The following PRSS2 variants were observed in gnomAD, a reference collection of about 807,000 sequenced individuals.
PRSS2 encodes the protein trypsin-2.
Under a neutral mutation model 19.2 loss-of-function variants are expected in PRSS2, and 19 were observed. That is an observed-to-expected ratio of 0.99 (90% CI 0.69 to 1.45). The LOEUF (loss-of-function observed/expected upper bound fraction) is 1.45. PRSS2 is among the 40% of genes most tolerant of loss of function. The probability of loss-of-function intolerance (pLI) is 0.00; values close to 1 mark genes in which losing one functional copy is unlikely to be tolerated. For missense variants in PRSS2, 288 were observed against 294.4 expected, an observed-to-expected ratio of 0.98 and a Z score of 0.16; for synonymous variants, 107 against 117.5, an observed-to-expected ratio of 0.91 and a Z score of 0.58.
Position 142,773,274 on chromosome 7 carries a change from A to T in PRSS2, c.209A>T (p.Gln70Leu). 1 of 1,614,262 alleles carries T rather than the reference A, an allele frequency of 6.2e-7. No homozygotes were observed. Among genetic ancestry groups the T allele is most frequent in the Non-Finnish European group, 8.5e-7 (1 of 1,180,052 alleles). Residue 70 changes from glutamine (Q) to leucine (L), a missense_variant, in exon 3 of 5, where the codon CAG becomes CTG. Transcript: ENST00000539842. Reference protein sequence around the residue: ...SAGHCYKSRIQVRLGEHNIEV... With the variant: ...SAGHCYKSRILVRLGEHNIEV... ...CCTGCCCTGCCCATCAGCCGCATCC[A>T]GGTGAGACTGGGAGAGCACAACATC...
chr7:142,773,438 G>C lies in PRSS2; in HGVS notation c.373G>C (p.Ala125Pro). The C allele has an allele frequency of 2.0e-6, 3 of 1,527,404 alleles. No homozygotes were observed. The highest frequency in any genetic ancestry group is 2.7e-6 in the Non-Finnish European group (3 of 1,120,486). 94.6% of individuals were successfully genotyped at this position (1,527,404 alleles called of 1,614,324 possible). Residue 125 changes from alanine to proline, a missense_variant, in exon 3 of 5, where the codon GCC becomes CCC. By Grantham distance (27) the Ala-to-Pro change is conservative. Transcript: ENST00000539842. Reference protein sequence around the residue: ...SPAVINSRVSAISLPTAPPAA... With the variant: ...SPAVINSRVSPISLPTAPPAA... ...TGCCGTCATCAATTCCCGCGTGTCC[G>C]CCATCTCTCTGCCCACTGCCCCTCC...
intron 2 of PRSS2, chr7:142,772,716 G>A: frequency 1.8e-6 from 1 of 547,548 alleles, no homozygotes; most frequent in Non-Finnish European, 3.2e-6. Flanking sequence ...CTCCCTGCAG[G>A]CTTGTTAAGG....
At position 142,773,994 on chromosome 7, in the gene PRSS2, G is replaced by A. The variant is rs758574743; in HGVS notation, c.530G>A (p.Gly177Glu). 1 of 1,585,868 alleles carries A rather than the reference G, an allele frequency of 6.3e-7. No homozygotes were observed. Among genetic ancestry groups the A allele is most frequent in the Non-Finnish European group, 8.6e-7 (1 of 1,157,394 alleles). Residue 177 changes from glycine to glutamate, a missense_variant, in exon 4 of 5, where the codon GGA (glycine) becomes GAA (glutamate). Transcript: ENST00000539842. ...GCTGAGTGTGAAGCCTCCTACCCTG[G>A]AAAGATTACCAACAACATGTTCTGT... ...SQAECEASYP[G>E]KITNNMFCVG...
At position 142,772,206 on chromosome 7, in the gene PRSS2, G is replaced by C; in HGVS notation, c.198G>C (p.Lys66Asn). 1 of 1,613,854 alleles carries C rather than the reference G, an allele frequency of 6.2e-7. No homozygotes were observed. Among genetic ancestry groups the C allele is most frequent in the Non-Finnish European group, 8.5e-7 (1 of 1,179,732 alleles). ...TGGTGTCAGCAGGTCACTGCTACAA[G>C]TCGTAAGTGTGGGGCCCCTGACTGC... The part of the protein sequence containing the change: ...QWVVSAGHCY[K>N]SRIQVRLGEH... The change falls in exon 2 of 5, where the codon AAG (lysine) becomes AAC (asparagine). Residue 66 changes from lysine to asparagine, a missense_variant and splice_region_variant. Lys to Asn is a moderately conservative substitution (Grantham distance 94). Coordinates refer to ENST00000539842, the MANE Select transcript of PRSS2 (RefSeq NM_002770.4).
chr7:142,773,149 C>T (rs1368157825), intron 2 of PRSS2, 117 bp from the exon 3 acceptor site: 40 of 1,583,662 alleles, frequency 2.5e-5, no homozygotes, highest in Middle Eastern at 3.7e-4. Flanking sequence ...TGGCCACACA[C>T]CCCACCCCAT....
At chr7:142,771,930 C>A (rs1477598592) in intron 1 of PRSS2, 119 bp from the exon 2 acceptor site, 13 of 1,490,630 alleles carry the variant, frequency 8.7e-6, no homozygotes, top group Admixed American at 3.3e-5. Flanking sequence ...CGCTCCCCCC[C>A]TTGCCTAGCC....
Position 142,774,525 on chromosome 7 carries a change from G to T in PRSS2, c.*17G>T, listed in dbSNP as rs906828514. ...AACAGCTAAAGCCCCTGGTCCCTCT[G>T]CAGTCTCTATACCAATAAAGTGACC... is the stretch of plus-strand genomic sequence containing the variant. On this transcript the variant is annotated 3_prime_UTR_variant, in exon 5 of 5. Coordinates refer to ENST00000539842, the MANE Select transcript of PRSS2 (RefSeq NM_002770.4). 9.5e-5 allele frequency: 153 copies of T among 1,604,476 alleles called. No homozygotes were observed. Among genetic ancestry groups the T allele is most frequent in the Non-Finnish European group, 1.3e-4 (149 of 1,171,486 alleles).
chr7:142,774,367 TG>T lies in PRSS2; in HGVS notation c.605del (p.Gly202AlafsTer42). The stretch of plus-strand genomic sequence containing the variant: ...CTTCTTCCCCCCAGGGTGATTCTGG[TG>T]GCCCTGTGGTCTCCAATGGAGAGCT... ...GKDSCQGDSG[G>X]PVVSNGELQG... On this transcript the variant is annotated frameshift_variant, in exon 5 of 5. Coordinates refer to ENST00000539842, the MANE Select transcript of PRSS2 (RefSeq NM_002770.4). LOFTEE classifies it high-confidence loss of function. 1 of 1,339,800 alleles carries T rather than the reference TG, an allele frequency of 7.5e-7. No individual in the cohort carries two copies. The highest frequency in any genetic ancestry group is 1.1e-6 in the Non-Finnish European group (1 of 929,500). 83.0% of individuals were successfully genotyped at this position (1,339,800 alleles called of 1,614,324 possible).
chr7:142,774,285 G>C (rs962508539), intron 4 of PRSS2, 71 bp from the exon 5 acceptor site: 3 of 1,054,338 alleles, frequency 2.8e-6, no homozygotes, highest in Non-Finnish European at 4.5e-6. Context: ...CTCTTTTAAG[G>C]TTCAGAGCAA....
At chr7:142,771,472 G>C (rs1799883238) in intron 1 of PRSS2, among the ~76,000 whole-genome samples, 1 of 152,246 alleles carries the variant, frequency 6.6e-6, no homozygotes, top group African/African-American at 2.4e-5. Context: ...CTTCCCAGGT[G>C]ATTTTTAACA....
At chr7:142,771,083 C>T (rs1007868378) in intron 1 of PRSS2, 61 bp downstream of exon 1, 2 of 552,600 alleles carry the variant, frequency 3.6e-6, no homozygotes, top group African/African-American at 1.9e-5. Context: ...ACATGCCCTG[C>T]CATTCTTGCC....
At chr7:142,773,604 C>G (rs1303452779) in intron 3 of PRSS2, 85 bp downstream of exon 3, 1 of 1,247,294 alleles carries the variant, frequency 8.0e-7, no homozygotes, top group Non-Finnish European at 1.1e-6. Flanking sequence ...ATCCTCTCGC[C>G]TCCAGGCTTA....
chr7:142,771,910 G>A, intron 1 of PRSS2, 139 bp from the exon 2 acceptor site: 1 of 1,318,952 alleles, frequency 7.6e-7, no homozygotes, highest in Admixed American at 1.7e-5. Flanking sequence ...ATGATCACCA[G>A]GGCTGGCAGC....
intron 2 of PRSS2, 112 bp from the exon 3 acceptor site, chr7:142,773,154 C>T: frequency 6.3e-7 from 1 of 1,595,418 alleles, no homozygotes; most frequent in Non-Finnish European, 8.5e-7. Context: ...ACACACCCCA[C>T]CCCATGCCTC....
rs1800246241 is a variant in PRSS2 at position 142,774,198 on chromosome 7, C to T, written c.591+143C>T. The T allele has an allele frequency of 4.2e-6, 5 of 1,194,592 alleles. No homozygotes were observed. In the South Asian group the frequency reaches 6.3e-5, roughly 15 times the overall value. 74.0% of individuals were successfully genotyped at this position (1,194,592 alleles called of 1,614,324 possible). A position where few individuals can be genotyped will look rare whatever the true frequency, so the allele number is the denominator to read the frequency against. On this transcript the variant is annotated intron_variant, in intron 4 of 4. Coordinates refer to ENST00000539842, the MANE Select transcript of PRSS2 (RefSeq NM_002770.4). ...AAGTGAGGAAGACTCCTTTGGGCTG[C>T]ATCCTGTCTGCTTAGGAAGAACAGA... is the stretch of plus-strand genomic sequence containing the variant.
Position 142,772,571 on chromosome 7 carries a change from C to T in PRSS2, c.200+363C>T, listed in dbSNP as rs1252464183. Reference sequence around the variant, plus strand: ...CTGTGTTCTATCCCAGGGCAATTAACTCAAAATTATCAGGAAGAGGGTGTG... The same window carrying T: ...CTGTGTTCTATCCCAGGGCAATTAATTCAAAATTATCAGGAAGAGGGTGTG... On this transcript the variant is annotated intron_variant, in intron 2 of 4. Transcript: ENST00000539842. 7.2e-6 allele frequency: 4 copies of T among 553,992 alleles called. No individual in the cohort carries two copies. The Admixed American group carries it at 1.2e-4, about 16-fold the overall frequency. 34.3% of individuals were successfully genotyped at this position (553,992 alleles called of 1,614,324 possible). A position where few individuals can be genotyped will look rare whatever the true frequency, so the allele number is the denominator to read the frequency against.
At chr7:142,773,226 T>G (rs1280522528) in intron 2 of PRSS2, 40 bp from the exon 3 acceptor site, 9 of 1,614,074 alleles carry the variant, frequency 5.6e-6, no homozygotes, top group Non-Finnish European at 7.6e-6. Context: ...GTGCCCTGGC[T>G]GTGGGAGAAG....
In PRSS2 at chr7:142,771,539, A is replaced by G. The variant is rs1005130051; in HGVS notation, c.41-510A>G. Among the ~76,000 whole-genome samples the G allele has an allele frequency of 9.2e-5, 13 of 141,618 alleles. No homozygotes were observed. In the East Asian group the frequency reaches 2.6e-3, roughly 28 times the overall value. 92.9% of individuals were successfully genotyped at this position (141,618 alleles called of 152,430 possible). ...CTGTTGTTTTGACCAATAATAACGT[A>G]TACCTTTGTTCTGCAAAAGTGAGCC... is the stretch of plus-strand genomic sequence containing the variant. On this transcript the variant is annotated intron_variant, in intron 1 of 4. Coordinates refer to ENST00000539842, the MANE Select transcript of PRSS2 (RefSeq NM_002770.4).
chr7:142,774,274 G>A (rs564143199), intron 4 of PRSS2, 82 bp from the exon 5 acceptor site: 12 of 1,052,098 alleles, frequency 1.1e-5, no homozygotes, highest in East Asian at 7.1e-5. Context: ...GCTGGAAAGG[G>A]CTCTTTTAAG....
Sources: gnomAD v4.1 joint callset for allele counts (sites outside exome capture counted in the v4.1 genomes callset) on GRCh38, gnomAD v4.1.1 for gene constraint, MANE v1.5 for transcripts, NCBI Gene and HGNC (gene_info 2026-07-23, HGNC 2026-07-21) for gene names.